The following ABTB3 variants were observed in gnomAD, a reference collection of about 807,000 sequenced individuals.
The protein encoded by ABTB3 is ankyrin repeat- and BTB/POZ domain-containing protein 3.
chr12:107,538,370 C>A, the ABTB3 span, among the ~76,000 whole-genome samples: 31 of 152,330 alleles, frequency 2.0e-4, no homozygotes, highest in African/African-American at 7.2e-4. Context: ...GGTCATGTGG[C>A]ACTTAAATGG....
At chr12:107,639,235 A>G in the ABTB3 span, among the ~76,000 whole-genome samples, 7 of 152,222 alleles carry the variant, frequency 4.6e-5, no homozygotes, top group Non-Finnish European at 8.8e-5. Flanking sequence ...ACACAGTTTG[A>G]CAGGGAGAAG....
chr12:107,651,134 G>T, the ABTB3 span, among the ~76,000 whole-genome samples: 1 of 151,984 alleles, frequency 6.6e-6, no homozygotes, highest in African/African-American at 2.4e-5. Flanking sequence ...CGTGCTCAGG[G>T]CCAGGTTACA....
At chr12:107,576,762 G>A in the ABTB3 span, among the ~76,000 whole-genome samples, 46 of 152,228 alleles carry the variant, frequency 3.0e-4, no homozygotes, top group African/African-American at 1.0e-3. Flanking sequence ...TACCTACTCC[G>A]CACTCTTTAC....
At chr12:107,612,931 A>G in the ABTB3 span, 1 of 1,486,770 alleles carries the variant, frequency 6.7e-7, no homozygotes, top group Non-Finnish European at 9.2e-7. Context: ...AGCGAGCAAG[A>G]AAGGGGGGCT....
chr12:107,480,111 C>G, the ABTB3 span, among the ~76,000 whole-genome samples: 1 of 152,068 alleles, frequency 6.6e-6, no homozygotes, highest in Non-Finnish European at 1.5e-5. Context: ...AAAGGATGGA[C>G]AGTAGGATAG....
the ABTB3 span, among the ~76,000 whole-genome samples, chr12:107,464,072 T>G: frequency 2.3e-3 from 354 of 152,324 alleles, 4 homozygotes; most frequent in African/African-American, 8.1e-3. Context: ...TAGGGGCAGA[T>G]GCAACCTGGC....
chr12:107,601,419 G>A, the ABTB3 span, among the ~76,000 whole-genome samples: 1 of 149,980 alleles, frequency 6.7e-6, no homozygotes, highest in South Asian at 2.1e-4. Context: ...CACCGTGTGT[G>A]AAACACAATA....
chr12:107,475,660 T>TG, the ABTB3 span, among the ~76,000 whole-genome samples: 1 of 152,152 alleles, frequency 6.6e-6, no homozygotes, highest in East Asian at 1.9e-4. Context: ...GGACTTTACA[T>TG]GGGTTATTTT....
the ABTB3 span, among the ~76,000 whole-genome samples, chr12:107,431,962 T>G: frequency 6.6e-6 from 1 of 152,156 alleles, no homozygotes; most frequent in Non-Finnish European, 1.5e-5. Context: ...AGTTTGCAGG[T>G]GGAGGTCATT....
At chr12:107,505,432 A>C in the ABTB3 span, among the ~76,000 whole-genome samples, 1 of 152,150 alleles carries the variant, frequency 6.6e-6, no homozygotes, top group African/African-American at 2.4e-5. Context: ...TCTCAACGAC[A>C]TCTGGAGATG....
the ABTB3 span, among the ~76,000 whole-genome samples, chr12:107,333,652 G>T: frequency 6.6e-6 from 1 of 152,140 alleles, no homozygotes; most frequent in South Asian, 2.1e-4. Flanking sequence ...CCATTCATTC[G>T]ATCATTTGTT....
chr12:107,648,164 T>A, the ABTB3 span, among the ~76,000 whole-genome samples: 1 of 152,032 alleles, frequency 6.6e-6, no homozygotes. Flanking sequence ...ACAGATTGCC[T>A]GAGCTCAGTA....
At chr12:107,365,698 AAGG>A in the ABTB3 span, among the ~76,000 whole-genome samples, 1 of 152,136 alleles carries the variant, frequency 6.6e-6, no homozygotes, top group Non-Finnish European at 1.5e-5. Context: ...TTTAGGGGCC[AAGG>A]AGGAGATGTG....
chr12:107,321,363 G>T, the ABTB3 span, among the ~76,000 whole-genome samples: 176 of 152,292 alleles, frequency 1.2e-3, no homozygotes, highest in African/African-American at 4.0e-3. Context: ...AAGCGGGCGC[G>T]CAGGGCGCCC....
chr12:107,550,811 G>T, the ABTB3 span, among the ~76,000 whole-genome samples: 2 of 152,094 alleles, frequency 1.3e-5, no homozygotes, highest in South Asian at 4.1e-4. Flanking sequence ...TCAAACTCCT[G>T]ACCTCAAGTG....
At chr12:107,430,599 G>A in the ABTB3 span, among the ~76,000 whole-genome samples, 73 of 152,120 alleles carry the variant, frequency 4.8e-4, no homozygotes, top group African/African-American at 1.7e-3. Context: ...CCATCCGTCC[G>A]TCCATCCCTT....
chr12:107,319,835 G>C, the ABTB3 span: 6 of 1,243,566 alleles, frequency 4.8e-6, no homozygotes, highest in Non-Finnish European at 5.2e-6. Flanking sequence ...GGCGAGCGGC[G>C]GCGCCTGCAG....
At chr12:107,318,881 TGCTCCTCGCC>T in the ABTB3 span, 1 of 1,501,110 alleles carries the variant, frequency 6.7e-7, no homozygotes, top group Non-Finnish European at 8.9e-7. Flanking sequence ...CGGCACTCGC[TGCTCCTCGCC>T]GCTCCTTCCC....
At chr12:107,642,568 T>G in the ABTB3 span, among the ~76,000 whole-genome samples, 1 of 152,110 alleles carries the variant, frequency 6.6e-6, no homozygotes, top group Non-Finnish European at 1.5e-5. Context: ...GATGAGGTCT[T>G]ATGAGCTAAA....
Sources: allele counts gnomAD v4.1 joint callset (sites outside exome capture counted in the v4.1 genomes callset), GRCh38; gene constraint gnomAD v4.1.1; transcripts MANE v1.5; gene names NCBI Gene and HGNC (gene_info 2026-07-23, HGNC 2026-07-21).